The following TAFA4 variants were observed in gnomAD, a reference collection of about 807,000 sequenced individuals.
TAFA4 encodes the protein chemokine-like protein TAFA-4.
A neutral mutation model predicts 21.1 loss-of-function variants in TAFA4; 20 were observed. The ratio of observed to expected loss-of-function variants is 0.95; its 90% CI spans 0.67 to 1.38. TAFA4 has a LOEUF of 1.38. Ranked by LOEUF, TAFA4 falls within the 40% of genes most tolerant of loss-of-function variation. The probability of loss-of-function intolerance (pLI) is 0.00; values close to 1 mark genes in which losing one functional copy is unlikely to be tolerated. For synonymous variants in TAFA4, 71 were observed against 67.4 expected (o/e 1.05, Z -0.26); for missense variants, 211 against 180.9 (o/e 1.17, Z -0.95).
intron 3 of TAFA4, among the ~76,000 whole-genome samples, chr3:68,859,315 T>C (rs937706274): frequency 6.6e-6 from 1 of 152,164 alleles, no homozygotes; most frequent in African/African-American, 2.4e-5. Context: ...ATTGCAAATA[T>C]CTGCTTGAGC....
rs947352607 is a variant in TAFA4 at position 68,794,885 on chromosome 3, GA to G, written c.131-41868del. ...ATTGCTCCCAACAAAAAGACAAACA[GA>G]AAAAAAAAATACAGCTGTTGCAGAA... On this transcript the variant is annotated intron_variant, in intron 3 of 5. Transcript: ENST00000295569. 1.4e-3 allele frequency among the ~76,000 whole-genome samples: 200 copies of G among 145,838 alleles called. 2 individuals are homozygous for G. The highest frequency in any genetic ancestry group is 4.8e-3 in the African/African-American group (191 of 39,806).
chr3:68,752,715 G>T, intron 4 of TAFA4, 148 bp downstream of exon 4: 2 of 832,096 alleles, frequency 2.4e-6, no homozygotes, highest in Non-Finnish European at 1.9e-6. Flanking sequence ...AGACATTTTT[G>T]GAGTTGTATT....
chr3:68,792,953 C>T (rs1181721503), intron 3 of TAFA4, among the ~76,000 whole-genome samples: 1 of 152,118 alleles, frequency 6.6e-6, no homozygotes, highest in Non-Finnish European at 1.5e-5. Flanking sequence ...AAAAAGCCTT[C>T]TTATTCTCTT....
chr3:68,736,552 C>T (rs77929180), intron 5 of TAFA4, among the ~76,000 whole-genome samples: 2,317 of 152,146 alleles, frequency 0.015, 58 homozygotes, highest in African/African-American at 0.053. Context: ...TTTAGCTTTT[C>T]TGTGTTTTGA....
chr3:68,808,017 T>C (rs995802534), intron 3 of TAFA4, among the ~76,000 whole-genome samples: 1 of 152,138 alleles, frequency 6.6e-6, no homozygotes, highest in African/African-American at 2.4e-5. Flanking sequence ...GTTTAACATA[T>C]GTATATAGAT....
rs187258425 is a variant in TAFA4 at position 68,877,405 on chromosome 3, G to C, written c.130+3325C>G. Among the ~76,000 whole-genome samples, 22 of 152,194 alleles carry C rather than the reference G, an allele frequency of 1.4e-4. No individual in the cohort carries two copies. In the East Asian group the frequency reaches 3.3e-3, roughly 23 times the overall value. On this transcript the variant is annotated intron_variant, in intron 3 of 5. Transcript: ENST00000295569. ...AAATAAAGTAAAATCTTTTGTCTCT[G>C]ACCCAAGCATCTCATGCCTTCTGCC... is the stretch of plus-strand genomic sequence containing the variant.
intron 1 of TAFA4, among the ~76,000 whole-genome samples, chr3:68,923,630 GTTA>G (rs2090080118): frequency 6.6e-6 from 1 of 151,996 alleles, no homozygotes; most frequent in Admixed American, 6.6e-5. Flanking sequence ...TTTATTGCCT[GTTA>G]TTATTTTGAT....
At chr3:68,867,662 T>C (rs1222761647) in intron 3 of TAFA4, among the ~76,000 whole-genome samples, 3 of 151,926 alleles carry the variant, frequency 2.0e-5, no homozygotes, top group South Asian at 2.1e-4. Context: ...AAGATGAAAA[T>C]TGAGACAACG....
intron 3 of TAFA4, among the ~76,000 whole-genome samples, chr3:68,764,567 G>GTC (rs1245136637): frequency 6.6e-6 from 1 of 152,144 alleles, no homozygotes; most frequent in Non-Finnish European, 1.5e-5. Flanking sequence ...TTTCTGAAGA[G>GTC]TCTCTCTCTG....
chr3:68,822,028 G>C (rs1340832836), intron 3 of TAFA4, among the ~76,000 whole-genome samples: 3 of 152,156 alleles, frequency 2.0e-5, no homozygotes, highest in Non-Finnish European at 4.4e-5. Context: ...AAATAAAAAT[G>C]TATTATGCTT....
At chr3:68,836,149 T>C (rs1239530966) in intron 3 of TAFA4, among the ~76,000 whole-genome samples, 1 of 152,214 alleles carries the variant, frequency 6.6e-6, no homozygotes, top group African/African-American at 2.4e-5. Flanking sequence ...GGGCCCCTTA[T>C]GTTTTCTGGT....
intron 3 of TAFA4, among the ~76,000 whole-genome samples, chr3:68,853,351 C>T (rs894719418): frequency 3.3e-5 from 5 of 152,122 alleles, no homozygotes; most frequent in African/African-American, 1.2e-4. Context: ...TCTTCCTTCC[C>T]TTACCTTCAA....
chr3:68,783,673 C>CAGAG lies in TAFA4; in HGVS notation c.131-30659_131-30656dup, dbSNP rs1163439201. Among the ~76,000 whole-genome samples, 187 of 86,130 alleles carry CAGAG rather than the reference C, an allele frequency of 2.2e-3. 1 individual carries two copies. The highest frequency in any genetic ancestry group is 0.01 in the Middle Eastern group (2 of 192). 56.5% of individuals were successfully genotyped at this position (86,130 alleles called of 152,430 possible). ...AAGAAAAATCACAGACACACACACA[C>CAGAG]AGAGAGAGAGAGAGAGAGAGAGAGA... is the stretch of plus-strand genomic sequence containing the variant. On this transcript the variant is annotated intron_variant, in intron 3 of 5. Transcript: ENST00000295569.
chr3:68,875,234 T>G (rs1047827198), intron 3 of TAFA4, among the ~76,000 whole-genome samples: 1 of 152,104 alleles, frequency 6.6e-6, no homozygotes, highest in Non-Finnish European at 1.5e-5. Flanking sequence ...TCCAGTTTTT[T>G]TTTTTTTTTA....
intron 3 of TAFA4, among the ~76,000 whole-genome samples, chr3:68,853,492 C>A (rs1050632748): frequency 5.3e-5 from 8 of 152,114 alleles, no homozygotes; most frequent in Admixed American, 1.3e-4. Flanking sequence ...TCCCATGTCT[C>A]TTTTGAAGAA....
chr3:68,907,027 G>A (rs544334717), intron 1 of TAFA4, among the ~76,000 whole-genome samples: 13 of 72,816 alleles, frequency 1.8e-4, no homozygotes, highest in South Asian at 6.4e-4. Context: ...GTGAGAGCCC[G>A]TCTCAAAAAA....
intron 3 of TAFA4, among the ~76,000 whole-genome samples, chr3:68,839,497 C>A (rs368756164): frequency 1.3e-5 from 2 of 152,128 alleles, no homozygotes; most frequent in Non-Finnish European, 2.9e-5. Flanking sequence ...GCAGGTATGA[C>A]CCTCTGACTA....
At chr3:68,734,845 G>T (rs892353339) in intron 5 of TAFA4, among the ~76,000 whole-genome samples, 9 of 152,070 alleles carry the variant, frequency 5.9e-5, no homozygotes, top group African/African-American at 2.2e-4. Context: ...GCTCTTTCTG[G>T]ATCTATCAGT....
chr3:68,732,844 G>C lies in TAFA4; in HGVS notation c.*298C>G, dbSNP rs1702173166. 1 of 427,876 alleles carries C rather than the reference G, an allele frequency of 2.3e-6. No homozygotes were observed. Among genetic ancestry groups the C allele is most frequent in the Admixed American group, 3.7e-5 (1 of 26,992 alleles). 26.5% of individuals were successfully genotyped at this position (427,876 alleles called of 1,614,324 possible). A position where few individuals can be genotyped will look rare whatever the true frequency, so the allele number is the denominator to read the frequency against. ...AGTGAAGAATGAACATGCCCTTAGT[G>C]GTGATCCATTTTGAAGACTCTGATT... On this transcript the variant is annotated 3_prime_UTR_variant, in exon 6 of 6. Transcript: ENST00000295569.
Sources: allele counts gnomAD v4.1 joint callset (sites outside exome capture counted in the v4.1 genomes callset), GRCh38; gene constraint gnomAD v4.1.1; transcripts MANE v1.5; gene names NCBI Gene and HGNC (gene_info 2026-07-23, HGNC 2026-07-21).